The following RPSA2 variants were observed in gnomAD, a reference collection of about 807,000 sequenced individuals.
RPSA2 encodes the protein ribosomal protein SA 2.
chr19:23,850,987 T>A, the RPSA2 span, among the ~76,000 whole-genome samples: 5 of 152,194 alleles, frequency 3.3e-5, no homozygotes, highest in African/African-American at 1.2e-4. Flanking sequence ...CATTGTTGCA[T>A]AAATAAATCA....
chr19:23,790,838 C>G, the RPSA2 span: 2 of 535,154 alleles, frequency 3.7e-6, no homozygotes, highest in Admixed American at 5.9e-5. Context: ...TGGGAAGCAG[C>G]TGTGGTGGGA....
At chr19:23,791,319 C>T in the RPSA2 span, among the ~76,000 whole-genome samples, 1 of 152,100 alleles carries the variant, frequency 6.6e-6, no homozygotes, top group South Asian at 2.1e-4. Flanking sequence ...AATTTTTACA[C>T]ATCAGGGTGG....
the RPSA2 span, among the ~76,000 whole-genome samples, chr19:23,836,341 G>T: frequency 6.6e-6 from 1 of 151,830 alleles, no homozygotes; most frequent in Non-Finnish European, 1.5e-5. Flanking sequence ...ACTTGTTATG[G>T]CTGAGTAGTA....
chr19:23,869,938 A>G, the RPSA2 span, among the ~76,000 whole-genome samples: 11 of 152,212 alleles, frequency 7.2e-5, no homozygotes, highest in Non-Finnish European at 1.3e-4. Context: ...GCTCCAGGTA[A>G]GCAATACTCA....
the RPSA2 span, among the ~76,000 whole-genome samples, chr19:23,856,089 A>G: frequency 3.3e-5 from 5 of 152,032 alleles, no homozygotes; most frequent in African/African-American, 7.3e-5. Context: ...GTGAAGGGAG[A>G]CGCTGAGCAG....
chr19:23,828,328 T>C, the RPSA2 span, among the ~76,000 whole-genome samples: 9 of 147,326 alleles, frequency 6.1e-5, no homozygotes, highest in African/African-American at 1.5e-4. Flanking sequence ...TCTTTCTTTT[T>C]TTTTTTTTAA....
At chr19:23,830,767 A>T in the RPSA2 span, among the ~76,000 whole-genome samples, 2 of 151,568 alleles carry the variant, frequency 1.3e-5, no homozygotes, top group South Asian at 2.1e-4. Flanking sequence ...TATACCTCTG[A>T]TTTTTTTTAT....
the RPSA2 span, among the ~76,000 whole-genome samples, chr19:23,815,677 TGTC>T: frequency 6.6e-6 from 1 of 152,218 alleles, no homozygotes; most frequent in Non-Finnish European, 1.5e-5. Context: ...CGGTCTGCAA[TGTC>T]GTCTAGGCTT....
the RPSA2 span, among the ~76,000 whole-genome samples, chr19:23,763,885 A>G: frequency 6.6e-6 from 1 of 152,220 alleles, no homozygotes; most frequent in African/African-American, 2.4e-5. Flanking sequence ...TGAGAGACAT[A>G]AAGCAAAGGG....
chr19:23,852,538 A>G, the RPSA2 span, among the ~76,000 whole-genome samples: 1 of 152,236 alleles, frequency 6.6e-6, no homozygotes, highest in Non-Finnish European at 1.5e-5. Context: ...GATGGGCCAA[A>G]TTAATTGCAG....
chr19:23,789,207 G>A, the RPSA2 span, among the ~76,000 whole-genome samples: 1 of 151,834 alleles, frequency 6.6e-6, no homozygotes, highest in Non-Finnish European at 1.5e-5. Flanking sequence ...CACCATGCTG[G>A]CCAGTGTGGT....
chr19:23,774,265 G>T, the RPSA2 span, among the ~76,000 whole-genome samples: 5 of 152,080 alleles, frequency 3.3e-5, no homozygotes, highest in Non-Finnish European at 7.4e-5. Flanking sequence ...ACATATTGCT[G>T]GGTCCGACTC....
the RPSA2 span, among the ~76,000 whole-genome samples, chr19:23,789,909 C>T: frequency 6.6e-6 from 1 of 151,998 alleles, no homozygotes; most frequent in African/African-American, 2.4e-5. Context: ...AACTCCTGAC[C>T]TCAGGTGATC....
At chr19:23,765,026 C>T in the RPSA2 span, among the ~76,000 whole-genome samples, 14,357 of 152,188 alleles carry the variant, frequency 0.094, 743 homozygotes, top group East Asian at 0.23. Flanking sequence ...TCCCCTGAGT[C>T]GTCTCTTAGA....
chr19:23,861,111 G>A, the RPSA2 span, among the ~76,000 whole-genome samples: 2 of 152,172 alleles, frequency 1.3e-5, no homozygotes, highest in Non-Finnish European at 2.9e-5. Context: ...CAATTCAACT[G>A]TTGCCCTTAC....
At chr19:23,796,946 T>A in the RPSA2 span, among the ~76,000 whole-genome samples, 6 of 151,962 alleles carry the variant, frequency 3.9e-5, no homozygotes, top group Non-Finnish European at 5.9e-5. Flanking sequence ...GCTTAGGGAT[T>A]GATTTGCTCT....
chr19:23,762,699 A>G, the RPSA2 span, among the ~76,000 whole-genome samples: 19 of 151,450 alleles, frequency 1.3e-4, no homozygotes, highest in Admixed American at 2.6e-4. Context: ...AAAAGTCCAA[A>G]TGTTCTTTCT....
At chr19:23,766,819 C>G in the RPSA2 span, among the ~76,000 whole-genome samples, 6 of 149,326 alleles carry the variant, frequency 4.0e-5, no homozygotes, top group South Asian at 1.3e-3. Flanking sequence ...AGTGCAGTGT[C>G]GTTATCTTGG....
chr19:23,854,210 G>A, the RPSA2 span, among the ~76,000 whole-genome samples: 2 of 152,200 alleles, frequency 1.3e-5, no homozygotes, highest in Non-Finnish European at 2.9e-5. Context: ...AGTATGAACA[G>A]TGATTCCTTT....
Sources: allele counts gnomAD v4.1 joint callset (sites outside exome capture counted in the v4.1 genomes callset), GRCh38; gene constraint gnomAD v4.1.1; transcripts MANE v1.5; gene names NCBI Gene and HGNC (gene_info 2026-07-23, HGNC 2026-07-21).